Variants in POC1B observed in about 807,000 individuals in gnomAD.
POC1B encodes the protein POC1 centriolar protein B.
In POC1B, 44 loss-of-function variants were observed where a neutral mutation model predicts 60.6. That is an observed-to-expected ratio of 0.73 (90% CI 0.57 to 0.93). The LOEUF is 0.93. POC1B is among the 40% of genes least tolerant of loss of function. The pLI is 0.00. For synonymous variants in POC1B, 180 were observed against 198.9 expected (o/e 0.90, Z 0.80); for missense variants, 555 against 572.3 (o/e 0.97, Z 0.31).
intron 2 of POC1B, among the ~76,000 whole-genome samples, chr12:89,497,576 G>A (rs964525467): frequency 6.6e-6 from 1 of 152,132 alleles, no homozygotes; most frequent in African/African-American, 2.4e-5. Flanking sequence ...ACTGGCCCCC[G>A]TATTCAATTA....
intron 1 of POC1B, chr12:89,525,406 C>G (rs1189161197): frequency 7.2e-7 from 1 of 1,387,920 alleles, no homozygotes; most frequent in Non-Finnish European, 9.3e-7. Context: ...CGCCAGCTCT[C>G]CCCGCAGAGC....
intron 2 of POC1B, chr12:89,523,112 G>C: frequency 6.2e-7 from 1 of 1,613,814 alleles, no homozygotes; most frequent in Non-Finnish European, 8.5e-7. Flanking sequence ...TTGCCTCCTT[G>C]ACCATGGCAT....
intron 9 of POC1B, among the ~76,000 whole-genome samples, chr12:89,466,109 C>A (rs1389215053): frequency 6.6e-6 from 1 of 152,168 alleles, no homozygotes; most frequent in African/African-American, 2.4e-5. Flanking sequence ...CTGAAGTCAG[C>A]TCTTAGAAGA....
intron 4 of POC1B, among the ~76,000 whole-genome samples, chr12:89,473,979 C>T (rs559798859): frequency 7.9e-5 from 12 of 152,030 alleles, no homozygotes; most frequent in African/African-American, 2.4e-4. Flanking sequence ...CCGAGGCAGG[C>T]GGATCACCTG....
At chr12:89,484,884 G>T (rs997841707) in intron 4 of POC1B, among the ~76,000 whole-genome samples, 3 of 152,194 alleles carry the variant, frequency 2.0e-5, no homozygotes, top group African/African-American at 4.8e-5. Context: ...GTGCGTGGAT[G>T]GGGAGATGGG....
At chr12:89,435,114 A>G (rs1881198885) in intron 10 of POC1B, among the ~76,000 whole-genome samples, 1 of 152,108 alleles carries the variant, frequency 6.6e-6, no homozygotes. Flanking sequence ...ACCCTATGAT[A>G]AAGATTATAT....
intron 10 of POC1B, among the ~76,000 whole-genome samples, chr12:89,448,073 T>C (rs1023428905): frequency 6.6e-6 from 1 of 152,122 alleles, no homozygotes; most frequent in East Asian, 1.9e-4. Context: ...TGGGCTTTCT[T>C]TTGAGCCTTG....
In POC1B at chr12:89,471,491, C is replaced by G. The variant is rs1882891401; in HGVS notation, c.676+123G>C. The G allele has an allele frequency of 5.7e-6, 4 of 699,234 alleles. No homozygotes were observed. In the Admixed American group the frequency reaches 8.4e-5, roughly 15 times the overall value. The allele number at this position is 699,234 out of a possible 1,614,324, so 43.3% of individuals were successfully genotyped here. A position where few individuals can be genotyped will look rare whatever the true frequency, so the allele number is the denominator to read the frequency against. ...TGATGGGAGCTAATTATACTATTCTCTAGCCTGTTCCAAGGCAGCCCATGA... is the reference window on the plus strand; with the variant it reads ...TGATGGGAGCTAATTATACTATTCTGTAGCCTGTTCCAAGGCAGCCCATGA... On this transcript the variant is annotated intron_variant, in intron 6 of 11. Transcript: ENST00000313546.
At chr12:89,430,101 G>A (rs978919334) in intron 10 of POC1B, among the ~76,000 whole-genome samples, 1 of 152,156 alleles carries the variant, frequency 6.6e-6, no homozygotes, top group Non-Finnish European at 1.5e-5. Context: ...TCTTGAAGAT[G>A]GGAAATGCAG....
chr12:89,443,838 A>G (rs901718345), intron 10 of POC1B, among the ~76,000 whole-genome samples: 13 of 152,218 alleles, frequency 8.5e-5, no homozygotes, highest in Non-Finnish European at 1.8e-4. Flanking sequence ...AAAGATCCAC[A>G]AAATTGATAG....
intron 2 of POC1B, chr12:89,520,430 AT>A (rs1364693468): frequency 9.9e-5 from 15 of 152,100 alleles, no homozygotes; most frequent in East Asian, 1.9e-4. Context: ...AAATAAAAAA[AT>A]ATTTTTAAAA....
intron 4 of POC1B, among the ~76,000 whole-genome samples, chr12:89,491,456 T>C (rs1433220023): frequency 6.6e-6 from 1 of 151,662 alleles, no homozygotes; most frequent in Admixed American, 6.6e-5. Flanking sequence ...AAACCCTGTC[T>C]CTACTAAAAA....
chr12:89,525,133 G>C lies in POC1B; in HGVS notation c.87C>G (p.Asn29Lys), dbSNP rs1871332014. ...AAITSLDLSPNGKQLATASWD... is the reference protein window; with the variant it reads ...AAITSLDLSPKGKQLATASWD... ...AATAAGACTTACCAAGTTGCTTGCCGTTGGGGCTGAGGTCCAAGGAGGTGA... is the reference window on the plus strand; with the variant it reads ...AATAAGACTTACCAAGTTGCTTGCCCTTGGGGCTGAGGTCCAAGGAGGTGA... Residue 29 changes from asparagine to lysine, a missense_variant, in exon 2 of 12, where the codon AAC (asparagine) becomes AAG (lysine). Asn to Lys is a moderately conservative substitution (Grantham distance 94, BLOSUM62 0). Transcript: ENST00000313546. 6.2e-7 allele frequency: 1 copy of C among 1,614,072 alleles called. No homozygotes were observed. Among genetic ancestry groups the C allele is most frequent in the African/African-American group, 1.3e-5 (1 of 75,064 alleles).
chr12:89,467,067 T>A (rs1473589520), intron 8 of POC1B, 145 bp from the exon 9 acceptor site: 2 of 578,044 alleles, frequency 3.5e-6, no homozygotes, highest in East Asian at 3.3e-5. Context: ...TTTCTCAATA[T>A]CTTTTTTTAA....
At chr12:89,429,494 A>T (rs1880933584) in intron 10 of POC1B, 2 of 152,230 alleles carry the variant, frequency 1.3e-5, no homozygotes, top group South Asian at 4.1e-4. Flanking sequence ...AAGTCCAGCA[A>T]GTGAGTCTGT....
the POC1B span, among the ~76,000 whole-genome samples, chr12:89,404,119 TG>T: frequency 2.0e-5 from 3 of 147,876 alleles, no homozygotes; most frequent in Non-Finnish European, 4.5e-5. Context: ...ACAACAAGAA[TG>T]AAACTCCATC....
intron 9 of POC1B, among the ~76,000 whole-genome samples, chr12:89,464,509 A>ACGGAGTCTTGCCCTGTT (rs1882606871): frequency 7.1e-5 from 3 of 42,266 alleles, no homozygotes; most frequent in Non-Finnish European, 1.2e-4. Context: ...TTTTTTTGAG[A>ACGGAGTCTTGCCCTGTT]CGGAGTCTTG....
At chr12:89,493,397 C>T (rs1471428615) in intron 3 of POC1B, among the ~76,000 whole-genome samples, 1 of 152,198 alleles carries the variant, frequency 6.6e-6, no homozygotes, top group Non-Finnish European at 1.5e-5. Context: ...TTGAATTCCA[C>T]TTGGAACAGT....
chr12:89,460,406 T>A (rs1425641173), intron 9 of POC1B, among the ~76,000 whole-genome samples: 1 of 152,190 alleles, frequency 6.6e-6, no homozygotes, highest in East Asian at 1.9e-4. Context: ...GTGCTGTATA[T>A]GGAAAATAAA....
Sources: allele counts gnomAD v4.1 joint callset (sites outside exome capture counted in the v4.1 genomes callset), GRCh38; gene constraint gnomAD v4.1.1; transcripts MANE v1.5; gene names NCBI Gene and HGNC (gene_info 2026-07-23, HGNC 2026-07-21).